The following INAVA variants were observed in gnomAD, a reference collection of about 807,000 sequenced individuals.
INAVA encodes the protein innate immunity activator protein.
Under a neutral mutation model 55.3 loss-of-function variants are expected in INAVA, and 32 were observed. The observed-to-expected ratio is 0.58, with a 90% CI of 0.44 to 0.78. The LOEUF (loss-of-function observed/expected upper bound fraction) is 0.78, where lower values mean the gene tolerates loss of function less well. Among genes scored for constraint, INAVA ranks in the 30% least tolerant of loss-of-function variants. The pLI is 0.00. For synonymous variants in INAVA, 294 were observed against 329.4 expected (o/e 0.89, Z 1.16); for missense variants, 756 against 786.4 (o/e 0.96, Z 0.46).
chr1:200,896,008 C>A (rs546110787), intron 1 of INAVA, among the ~76,000 whole-genome samples: 7 of 152,094 alleles, frequency 4.6e-5, no homozygotes, highest in Non-Finnish European at 1.0e-4. Flanking sequence ...ATCAGTGCCT[C>A]CCCTTTGATG....
At chr1:200,907,716 A>C in intron 5 of INAVA, 118 bp from the exon 6 acceptor site, 1 of 726,368 alleles carries the variant, frequency 1.4e-6, no homozygotes. Flanking sequence ...GTATTTCCTC[A>C]TAACTGATGC....
At chr1:200,894,773 C>G (rs995256010), upstream of INAVA, 2 of 985,466 alleles carry the variant, frequency 2.0e-6, no homozygotes, top group South Asian at 4.7e-5. Context: ...TCCTGCCCCC[C>G]GGAAGTGCAG....
chr1:200,901,086 G>A lies in INAVA; in HGVS notation c.447G>A (p.Glu149=). ...SMLQEEKKLQ[E]LQRCLVERRR... is the part of the protein sequence containing the mutation. ...TGCAGGAGGAGAAGAAGCTGCAGGA[G>A]CTCCAGCGCTGCCTGGTCGAGCGGC... Residue 149 remains glutamate (E), a synonymous_variant, in exon 5 of 10, where the codon GAG becomes GAA. Transcript: ENST00000413687. The A allele has an allele frequency of 6.5e-7, 1 of 1,539,138 alleles. No individual in the cohort carries two copies. The highest frequency in any genetic ancestry group is 1.2e-5 in the South Asian group (1 of 83,942).
chr1:200,899,817 G>A (rs376150329), intron 3 of INAVA, among the ~76,000 whole-genome samples: 134 of 152,356 alleles, frequency 8.8e-4, no homozygotes, highest in African/African-American at 3.0e-3. Flanking sequence ...AGAGAACAAA[G>A]TTCATCAGGG....
chr1:200,900,804 G>A, intron 4 of INAVA, 133 bp from the exon 5 acceptor site: 4 of 633,112 alleles, frequency 6.3e-6, no homozygotes, highest in Admixed American at 3.2e-5. Flanking sequence ...GTCCATTGGT[G>A]CTGCTGTCTG....
At position 200,913,811 on chromosome 1, in the gene INAVA, T is replaced by C; in HGVS notation, c.*182T>C. 1 of 592,288 alleles carries C rather than the reference T, an allele frequency of 1.7e-6. No individual in the cohort carries two copies. The highest frequency in any genetic ancestry group is 3.0e-6 in the Non-Finnish European group (1 of 332,724). 36.7% of individuals were successfully genotyped at this position (592,288 alleles called of 1,614,324 possible). A position where few individuals can be genotyped will look rare whatever the true frequency, so the allele number is the denominator to read the frequency against. The stretch of plus-strand genomic sequence containing the variant: ...AAGCCCTGACCTAAGGATTTATATA[T>C]GTGGATTGTCCTCAATACCCCTGTG... On this transcript the variant is annotated 3_prime_UTR_variant, in exon 10 of 10. Coordinates refer to ENST00000413687, the MANE Select transcript of INAVA (RefSeq NM_001142569.3).
upstream of INAVA, among the ~76,000 whole-genome samples, chr1:200,891,903 T>C (rs1668246408): frequency 6.6e-6 from 1 of 151,902 alleles, no homozygotes; most frequent in South Asian, 2.1e-4. Flanking sequence ...TCTTCGTGCC[T>C]GTGGATCTTC....
chr1:200,909,227 C>T lies in INAVA; in HGVS notation c.789C>T (p.Ser263=). The T allele has an allele frequency of 6.6e-7, 1 of 1,510,176 alleles. No individual in the cohort carries two copies. Among genetic ancestry groups the T allele is most frequent in the Non-Finnish European group, 8.9e-7 (1 of 1,125,406 alleles). The allele number at this position is 1,510,176 out of a possible 1,614,324, so 93.5% of individuals were successfully genotyped here. ...CCTGTCTCTAATCCTTTTGCAGCAGCCCAGCCACCACACCACAGGATGGGC... is the reference window on the plus strand; with the variant it reads ...CCTGTCTCTAATCCTTTTGCAGCAGTCCAGCCACCACACCACAGGATGGGC... ...KSSEPWSESS[S]PATTPQDGPS... Residue 263 remains serine (S), a synonymous_variant, in exon 8 of 10, where the codon AGC becomes AGT. Coordinates refer to ENST00000413687, the MANE Select transcript of INAVA (RefSeq NM_001142569.3).
rs1653832964 is a variant in INAVA, at chr1:200,913,541, C to A, written c.1649C>A (p.Pro550His). The change falls in exon 10 of 10, where the codon CCC (proline) becomes CAC (histidine). Residue 550 changes from proline to histidine, a missense_variant. Around this residue, in one of 2 missense-constraint regions of INAVA, gnomAD observed 117 missense variants for 162.1 expected, o/e 0.72. Coordinates refer to ENST00000413687, the MANE Select transcript of INAVA (RefSeq NM_001142569.3). ...CTTTCTTCCTGACCCTGGCAGGTGC[C>A]CACAGTTTGTGTGCTGCGGAGATCG... ...GRALGPRAQVPTVCVLRRSPD... is the reference protein window; with the variant it reads ...GRALGPRAQVHTVCVLRRSPD... 1.2e-6 allele frequency: 2 copies of A among 1,613,752 alleles called. No homozygotes were observed. Among genetic ancestry groups the A allele is most frequent in the Admixed American group, 1.7e-5 (1 of 59,976 alleles).
intron 7 of INAVA, 82 bp downstream of exon 7, chr1:200,909,022 C>A: frequency 4.9e-6 from 7 of 1,428,204 alleles, no homozygotes; most frequent in Non-Finnish European, 6.6e-6. Context: ...ATAGGCTGGG[C>A]AGATGGAAAA....
upstream of INAVA, among the ~76,000 whole-genome samples, chr1:200,892,659 G>A (rs918701170): frequency 5.3e-5 from 8 of 152,162 alleles, no homozygotes; most frequent in African/African-American, 1.2e-4. Flanking sequence ...CTGACTCCCC[G>A]GCCTGACTGG....
At chr1:200,907,126 T>G (rs897470671) in intron 5 of INAVA, among the ~76,000 whole-genome samples, 1 of 152,022 alleles carries the variant, frequency 6.6e-6, no homozygotes, top group African/African-American at 2.4e-5. Flanking sequence ...CGCCTGGCCA[T>G]GAAATTCTTT....
At chr1:200,891,587 G>A (rs776617216), upstream of INAVA, 3 of 1,586,746 alleles carry the variant, frequency 1.9e-6, no homozygotes, top group South Asian at 1.1e-5. Flanking sequence ...GGGAGGGCAG[G>A]CCGCAGGGAG....
At position 200,909,368 on chromosome 1, in the gene INAVA, G is replaced by C; in HGVS notation, c.930G>C (p.Gln310His). 2 of 1,606,716 alleles carry C rather than the reference G, an allele frequency of 1.2e-6. No homozygotes were observed. Among genetic ancestry groups the C allele is most frequent in the Non-Finnish European group, 8.5e-7 (1 of 1,175,746 alleles). The change falls in exon 8 of 10, where the codon CAG becomes CAC. Residue 310 changes from glutamine (Q) to histidine (H), a missense_variant. This residue lies in a region of INAVA where 639 missense variants were observed against 624.3 expected (regional missense o/e 1.02). Transcript: ENST00000413687. The part of the protein sequence containing the change: ...RTSAPATPEI[Q>H]GRRGQSQSLR... ...GTGCCCCAGCCACCCCTGAGATACA[G>C]GGGAGGAGGGGCCAGTCGCAGTCTC...
At chr1:200,900,843 TG>T in intron 4 of INAVA, 93 bp from the exon 5 acceptor site, 2 of 920,862 alleles carry the variant, frequency 2.2e-6, no homozygotes, top group Non-Finnish European at 3.2e-6. Context: ...GGCTTAGGAC[TG>T]GGACCTAGAG....
At chr1:200,904,115 G>A (rs1653388819) in intron 5 of INAVA, among the ~76,000 whole-genome samples, 2 of 150,342 alleles carry the variant, frequency 1.3e-5, no homozygotes, top group South Asian at 4.2e-4. Flanking sequence ...TTGAGACGGA[G>A]TCTTGCTCTC....
intron 5 of INAVA, among the ~76,000 whole-genome samples, chr1:200,901,710 C>G (rs1298015302): frequency 4.6e-5 from 7 of 152,196 alleles, no homozygotes; most frequent in African/African-American, 1.7e-4. Flanking sequence ...GGACTGGTGC[C>G]ACACCCCACA....
intron 1 of INAVA, 40 bp from the exon 2 acceptor site, chr1:200,898,267 T>C (rs1168383478): frequency 4.4e-6 from 7 of 1,597,206 alleles, no homozygotes; most frequent in Admixed American, 1.7e-5. Context: ...AGATGGTTCA[T>C]ATCTAGCTTT....
chr1:200,913,403 G>A (rs1653827865), intron 9 of INAVA, 134 bp from the exon 10 acceptor site: 2 of 675,760 alleles, frequency 3.0e-6, no homozygotes, highest in Non-Finnish European at 5.3e-6. Context: ...GGGGCTGAGT[G>A]CCAGGGCCTG....
Sources: allele counts gnomAD v4.1 joint callset (sites outside exome capture counted in the v4.1 genomes callset), GRCh38; gene constraint gnomAD v4.1.1; regional missense constraint gnomAD v4.1.1; transcripts MANE v1.5; gene names NCBI Gene and HGNC (gene_info 2026-07-23, HGNC 2026-07-21).